Variants in CTSB observed in about 807,000 individuals in gnomAD.
The protein encoded by CTSB is APP secretase.
Under a neutral mutation model 44.3 loss-of-function variants are expected in CTSB, and 57 were observed. The ratio of observed to expected loss-of-function variants is 1.29; its 90% CI spans 1.04 to 1.60. The LOEUF (loss-of-function observed/expected upper bound fraction) is 1.60, where lower values mean the gene tolerates loss of function less well. Ranked by LOEUF, CTSB falls within the 40% of genes most tolerant of loss-of-function variation. The probability of loss-of-function intolerance (pLI) is 0.00; values close to 1 mark genes in which losing one functional copy is unlikely to be tolerated. For synonymous variants in CTSB, 320 were observed against 168.0 expected, an observed-to-expected ratio of 1.91 and a Z score of -7.00; for missense variants, 768 against 443.0, an observed-to-expected ratio of 1.73 and a Z score of -6.59.
At chr8:11,852,586 C>T (rs767484668) in intron 3 of CTSB, 24 bp downstream of exon 3, 91 of 1,591,498 alleles carry the variant, frequency 5.7e-5, no homozygotes, top group South Asian at 4.3e-4. Flanking sequence ...CACATTACAG[C>T]GGTGCAGAGG....
intron 7 of CTSB, among the ~76,000 whole-genome samples, 174 bp downstream of exon 7, chr8:11,847,505 G>T (rs1485783477): frequency 6.6e-6 from 1 of 152,194 alleles, no homozygotes; most frequent in Non-Finnish European, 1.5e-5. Flanking sequence ...GGAACAGGCA[G>T]AAAGTGGAGA....
At chr8:11,862,322 G>A (rs1816557759) in intron 1 of CTSB, 1 of 152,146 alleles carries the variant, frequency 6.6e-6, no homozygotes. Context: ...GATACAAGGA[G>A]ACACTCTTTT....
In CTSB at chr8:11,850,419, CA is replaced by C. The variant is rs61067792; in HGVS notation, c.327+446del. ...GGGTGACAGAGCAAGACTCCATCTC[CA>C]AAAAAAAAAAAAAAAAAAAAAGAAA... is the stretch of plus-strand genomic sequence containing the variant. On this transcript the variant is annotated intron_variant, in intron 4 of 9. Transcript: ENST00000353047. Among the ~76,000 whole-genome samples, 187 of 53,786 alleles carry C rather than the reference CA, an allele frequency of 3.5e-3. 1 individual carries two copies. Among genetic ancestry groups the C allele is most frequent in the South Asian group, 0.032 (37 of 1,170 alleles). The allele number at this position is 53,786 out of a possible 152,430, so 35.3% of individuals were successfully genotyped here.
At chr8:11,856,750 A>G (rs1815583570) in intron 1 of CTSB, among the ~76,000 whole-genome samples, 1 of 152,122 alleles carries the variant, frequency 6.6e-6, no homozygotes, top group Admixed American at 6.6e-5. Context: ...CAATCTACAC[A>G]TGTAGGAACA....
intron 2 of CTSB, 139 bp from the exon 3 acceptor site, chr8:11,852,834 G>T: frequency 1.4e-6 from 1 of 713,390 alleles, no homozygotes; most frequent in East Asian, 2.7e-5. Context: ...GGGCACTGGG[G>T]AACAGCCCAG....
chr8:11,845,165 G>A lies in CTSB; in HGVS notation c.980C>T (p.Ala327Val). ...DHCGIESEVVAGIPRTDQYWE... is the reference protein window; with the variant it reads ...DHCGIESEVVVGIPRTDQYWE... Reference sequence around the variant, plus strand: ...GTACTGATCGGTGCGTGGAATTCCAGCCACCACTTCTGATTCGATTCCACA... The same window carrying A: ...GTACTGATCGGTGCGTGGAATTCCAACCACCACTTCTGATTCGATTCCACA... Residue 327 changes from alanine (A) to valine (V), a missense_variant, in exon 10 of 10, where the codon GCT (alanine) becomes GTT (valine). Transcript: ENST00000353047. The A allele has an allele frequency of 1.9e-6, 3 of 1,614,070 alleles. No homozygotes were observed. The highest frequency in any genetic ancestry group is 2.5e-6 in the Non-Finnish European group (3 of 1,179,904).
At chr8:11,845,306 ACT>A (rs1813067737) in intron 9 of CTSB, 84 bp from the exon 10 acceptor site, 1 of 1,064,494 alleles carries the variant, frequency 9.4e-7, no homozygotes, top group Non-Finnish European at 1.4e-6. Flanking sequence ...ACCTTAAGTC[ACT>A]CATCCCTGGC....
Position 11,845,138 on chromosome 8 carries a change from C to CT in CTSB, c.1006_1007insA (p.Trp336Ter), listed in dbSNP as rs1403855764. 1 of 1,612,840 alleles carries CT rather than the reference C, an allele frequency of 6.2e-7. No individual in the cohort carries two copies. The highest frequency in any genetic ancestry group is 8.5e-7 in the Non-Finnish European group (1 of 1,178,930). ...VAGIPRTDQY[W>*]EKI ...GCCCACGGCAGATTAGATCTTTTCCCAGTACTGATCGGTGCGTGGAATTCC... is the reference window on the plus strand; with the variant it reads ...GCCCACGGCAGATTAGATCTTTTCCCTAGTACTGATCGGTGCGTGGAATTCC... The change falls in exon 10 of 10, where the codon TGG (tryptophan) becomes TAGG (stop). Residue 336 changes from tryptophan (W) to a stop codon, truncating the protein, a stop_gained and frameshift_variant. Transcript: ENST00000353047. LOFTEE classifies it high-confidence loss of function.
At chr8:11,863,400 A>C (rs1223630673) in intron 1 of CTSB, among the ~76,000 whole-genome samples, 1 of 151,988 alleles carries the variant, frequency 6.6e-6, no homozygotes, top group African/African-American at 2.4e-5. Context: ...CGGAGGTTAC[A>C]GTGAGCCGAG....
intron 1 of CTSB, among the ~76,000 whole-genome samples, chr8:11,862,880 C>T (rs1263211296): frequency 6.6e-6 from 1 of 152,242 alleles, no homozygotes. Flanking sequence ...ACATTGGGCC[C>T]ATCCTTCTCC....
chr8:11,857,021 G>C (rs1416345926), intron 1 of CTSB, among the ~76,000 whole-genome samples: 1 of 152,064 alleles, frequency 6.6e-6, no homozygotes, highest in Non-Finnish European at 1.5e-5. Flanking sequence ...CACCAATGAG[G>C]CTTCCTCCCT....
chr8:11,853,218 C>T, intron 2 of CTSB, 111 bp downstream of exon 2: 1 of 1,473,962 alleles, frequency 6.8e-7, no homozygotes, highest in Non-Finnish European at 9.2e-7. Flanking sequence ...TTTCAACAGT[C>T]CAGGACAATG....
intron 4 of CTSB, 138 bp downstream of exon 4, chr8:11,850,728 G>C (rs1398603043): frequency 7.0e-6 from 4 of 575,094 alleles, no homozygotes; most frequent in African/African-American, 1.9e-5. Flanking sequence ...TGTGATTTTT[G>C]TACTGATGGA....
At chr8:11,862,996 T>A (rs1816647977) in intron 1 of CTSB, among the ~76,000 whole-genome samples, 2 of 152,116 alleles carry the variant, frequency 1.3e-5, no homozygotes, top group Admixed American at 1.3e-4. Flanking sequence ...CACACATCCT[T>A]CTCAGCACCC....
At chr8:11,849,254 G>A (rs917715392) in intron 4 of CTSB, 90 bp from the exon 5 acceptor site, 2 of 919,734 alleles carry the variant, frequency 2.2e-6, no homozygotes, top group Non-Finnish European at 3.5e-6. Context: ...GGGCACCTCA[G>A]ACCTTGTAGG....
intron 9 of CTSB, among the ~76,000 whole-genome samples, 197 bp downstream of exon 9, chr8:11,845,464 T>C (rs925787942): frequency 1.3e-4 from 20 of 152,190 alleles, no homozygotes; most frequent in African/African-American, 4.8e-4. Flanking sequence ...GTTGCAGGCG[T>C]TGGCTCTGAA....
chr8:11,867,804 G>A (rs1441982308), intron 1 of CTSB, 197 bp downstream of exon 1: 1 of 152,178 alleles, frequency 6.6e-6, no homozygotes, highest in Admixed American at 6.5e-5. Context: ...CGACGCTTCG[G>A]AGCGCGCGGA....
chr8:11,860,786 G>A (rs560788563), intron 1 of CTSB, among the ~76,000 whole-genome samples: 1 of 152,332 alleles, frequency 6.6e-6, no homozygotes, highest in Non-Finnish European at 1.5e-5. Flanking sequence ...CCTTCCCAGA[G>A]TACTTTGTTT....
At chr8:11,857,468 G>A (rs986722596) in intron 1 of CTSB, among the ~76,000 whole-genome samples, 7 of 152,128 alleles carry the variant, frequency 4.6e-5, no homozygotes, top group African/African-American at 7.2e-5. Context: ...GGATGTACCC[G>A]GGGGCTTTGT....
Sources: gnomAD v4.1 joint callset for allele counts (sites outside exome capture counted in the v4.1 genomes callset) on GRCh38, gnomAD v4.1.1 for gene constraint, MANE v1.5 for transcripts, NCBI Gene and HGNC (gene_info 2026-07-23, HGNC 2026-07-21) for gene names.